The following MAP4K5 variants were observed in gnomAD, a reference collection of about 807,000 sequenced individuals.
MAP4K5 encodes mitogen-activated protein kinase kinase kinase kinase 5.
Under a neutral mutation model 135.6 loss-of-function variants are expected in MAP4K5, and 82 were observed. That is an observed-to-expected ratio of 0.60 (90% CI 0.51 to 0.73). MAP4K5 has a LOEUF of 0.73. Among genes scored for constraint, MAP4K5 ranks in the 30% least tolerant of loss-of-function variants. The pLI is 0.00. For synonymous variants in MAP4K5, 347 were observed against 335.0 expected, an observed-to-expected ratio of 1.04 and a Z score of -0.39; for missense variants, 907 against 1,010.9, an observed-to-expected ratio of 0.90 and a Z score of 1.39.
At chr14:50,431,522 G>A (rs1248503056) in intron 28 of MAP4K5, among the ~76,000 whole-genome samples, 2 of 151,958 alleles carry the variant, frequency 1.3e-5, no homozygotes, top group African/African-American at 2.4e-5. Flanking sequence ...TTGTTCTTGC[G>A]ATAGTTTACT....
chr14:50,545,465 G>A (rs995525610), intron 1 of MAP4K5, among the ~76,000 whole-genome samples: 1 of 152,120 alleles, frequency 6.6e-6, no homozygotes, highest in Non-Finnish European at 1.5e-5. Context: ...ATCCATGTGG[G>A]GTGAAATAGT....
intron 5 of MAP4K5, among the ~76,000 whole-genome samples, chr14:50,484,337 T>A (rs1046106340): frequency 6.6e-6 from 1 of 152,206 alleles, no homozygotes; most frequent in Non-Finnish European, 1.5e-5. Context: ...TTATTTGTTG[T>A]GACAAAATTA....
At chr14:50,551,462 A>G (rs1213170804) in intron 1 of MAP4K5, among the ~76,000 whole-genome samples, 1 of 152,186 alleles carries the variant, frequency 6.6e-6, no homozygotes, top group Non-Finnish European at 1.5e-5. Context: ...AAGAATTGGT[A>G]CCAATTCTAC....
intron 9 of MAP4K5, among the ~76,000 whole-genome samples, chr14:50,470,713 G>A (rs970375652): frequency 6.6e-6 from 1 of 151,096 alleles, no homozygotes; most frequent in Non-Finnish European, 1.5e-5. Context: ...GTATCATATT[G>A]CATATACTAC....
At chr14:50,539,119 T>C (rs1178424794) in intron 2 of MAP4K5, among the ~76,000 whole-genome samples, 1 of 152,222 alleles carries the variant, frequency 6.6e-6, no homozygotes, top group Non-Finnish European at 1.5e-5. Flanking sequence ...TAGGATGATA[T>C]CACTCACATA....
chr14:50,486,071 T>C, intron 4 of MAP4K5, 33 bp downstream of exon 4: 1 of 794,288 alleles, frequency 1.3e-6, no homozygotes. Flanking sequence ...ATATATAAAA[T>C]ACAGAGAGAG....
intron 1 of MAP4K5, among the ~76,000 whole-genome samples, chr14:50,556,436 T>G (rs2038766285): frequency 1.3e-5 from 2 of 152,136 alleles, no homozygotes; most frequent in East Asian, 3.8e-4. Flanking sequence ...CAGGCTGGTC[T>G]CGAACTCCTG....
intron 18 of MAP4K5, among the ~76,000 whole-genome samples, chr14:50,444,477 G>A (rs74053506): frequency 0.021 from 3,156 of 152,134 alleles, 89 homozygotes; most frequent in African/African-American, 0.059. Context: ...GACCAGGTAC[G>A]GTCACTCATG....
At chr14:50,461,126 A>C (rs2036701994) in intron 13 of MAP4K5, among the ~76,000 whole-genome samples, 2 of 152,066 alleles carry the variant, frequency 1.3e-5, no homozygotes, top group Admixed American at 1.3e-4. Flanking sequence ...CCTGGGTTCA[A>C]GAGATCCTCC....
intron 21 of MAP4K5, among the ~76,000 whole-genome samples, 159 bp from the exon 22 acceptor site, chr14:50,440,600 C>T (rs540274343): frequency 6.6e-6 from 1 of 152,102 alleles, no homozygotes; most frequent in South Asian, 2.1e-4. Flanking sequence ...TACCTCTTTC[C>T]CCAATTCCTT....
At chr14:50,468,486 C>A in intron 10 of MAP4K5, 165 bp downstream of exon 10, 1 of 623,618 alleles carries the variant, frequency 1.6e-6, no homozygotes. Context: ...AGGTAACTAC[C>A]TTCGGACTAG....
chr14:50,488,371 C>A (rs8018023), intron 3 of MAP4K5, among the ~76,000 whole-genome samples: 2,236 of 152,296 alleles, frequency 0.015, 44 homozygotes, highest in African/African-American at 0.051. Context: ...TGGGTGGGGA[C>A]ACAAAGCCTA....
upstream of MAP4K5, chr14:50,533,214 T>C (rs2038444035): frequency 6.6e-6 from 1 of 152,378 alleles, no homozygotes; most frequent in Admixed American, 6.5e-5. Flanking sequence ...GTCTCATCGC[T>C]GGTATTGCAC....
chr14:50,438,134 A>G, intron 23 of MAP4K5, 40 bp from the exon 24 acceptor site: 1 of 726,910 alleles, frequency 1.4e-6, no homozygotes, highest in Admixed American at 2.0e-5. Context: ...AGCCAAGCAA[A>G]ATAGAAAAAC....
chr14:50,485,221 G>A (rs1207688760), intron 5 of MAP4K5, among the ~76,000 whole-genome samples: 1 of 151,994 alleles, frequency 6.6e-6, no homozygotes, highest in African/African-American at 2.4e-5. Context: ...TGGTTAGCAG[G>A]TTAAGTTACT....
chr14:50,535,802 A>C (rs529856491), upstream of MAP4K5, among the ~76,000 whole-genome samples: 1 of 152,262 alleles, frequency 6.6e-6, no homozygotes, highest in East Asian at 1.9e-4. Context: ...TATGTTACTG[A>C]TATGGTTTGT....
intron 32 of MAP4K5, among the ~76,000 whole-genome samples, chr14:50,421,646 A>G (rs2035735618): frequency 6.6e-6 from 1 of 151,904 alleles, no homozygotes; most frequent in Non-Finnish European, 1.5e-5. Context: ...ATGCCCATGT[A>G]AGAGACAAGC....
At chr14:50,435,100 C>A in intron 26 of MAP4K5, 35 bp from the exon 27 acceptor site, 1 of 1,119,412 alleles carries the variant, frequency 8.9e-7, no homozygotes, top group Non-Finnish European at 1.3e-6. Flanking sequence ...AACCCAGACA[C>A]ACTCAAAATA....
chr14:50,452,496 A>C (rs1277284943), intron 14 of MAP4K5, among the ~76,000 whole-genome samples: 1 of 152,158 alleles, frequency 6.6e-6, no homozygotes, highest in African/African-American at 2.4e-5. Context: ...ATCTCAAGTT[A>C]CTATGTTTAT....
Sources: allele counts gnomAD v4.1 joint callset (sites outside exome capture counted in the v4.1 genomes callset), GRCh38; gene constraint gnomAD v4.1.1; transcripts MANE v1.5; gene names NCBI Gene and HGNC (gene_info 2026-07-23, HGNC 2026-07-21).